GRIK2: variants seen among roughly 807,000 people sequenced by gnomAD.
GRIK2 encodes the protein glutamate ionotropic receptor kainate type subunit 2.
A neutral mutation model predicts 100.3 loss-of-function variants in GRIK2; 32 were observed. The ratio of observed to expected loss-of-function variants is 0.32; its 90% CI spans 0.24 to 0.43. The LOEUF (loss-of-function observed/expected upper bound fraction) is 0.43. Ranked by LOEUF, GRIK2 falls within the 20% of genes least tolerant of loss-of-function variation. The pLI is 1.00. For missense variants in GRIK2, 843 were observed against 1,114.9 expected, an observed-to-expected ratio of 0.76 and a Z score of 3.47; for synonymous variants, 417 against 389.4, an observed-to-expected ratio of 1.07 and a Z score of -0.83.
intron 7 of GRIK2, among the ~76,000 whole-genome samples, chr6:101,704,610 T>C (rs1399002612): frequency 6.6e-6 from 1 of 151,714 alleles, no homozygotes; most frequent in African/African-American, 2.4e-5. Flanking sequence ...TTAAATAGAA[T>C]TGAATCTCGC....
chr6:101,482,423 C>A (rs1383695957), intron 2 of GRIK2, among the ~76,000 whole-genome samples: 1 of 152,044 alleles, frequency 6.6e-6, no homozygotes, highest in Non-Finnish European at 1.5e-5. Context: ...CCACACTGGG[C>A]AGTTTGGCTT....
chr6:101,984,655 A>ACACACACACACC (rs369665252), intron 14 of GRIK2, among the ~76,000 whole-genome samples: 156 of 148,738 alleles, frequency 1.0e-3, no homozygotes, highest in African/African-American at 1.6e-3. Context: ...ACACACACAC[A>ACACACACACACC]CCCTTCAACT....
At chr6:101,719,162 T>G (rs1774288884) in intron 7 of GRIK2, among the ~76,000 whole-genome samples, 1 of 118,142 alleles carries the variant, frequency 8.5e-6, no homozygotes, top group Admixed American at 8.8e-5. Flanking sequence ...TTTTTTTTTT[T>G]TTTTTTTTTT....
chr6:101,671,967 C>T (rs1391522391), intron 4 of GRIK2, among the ~76,000 whole-genome samples: 1 of 152,098 alleles, frequency 6.6e-6, no homozygotes, highest in African/African-American at 2.4e-5. Context: ...AGCTGCTGAT[C>T]TAGATAAAAC....
chr6:101,760,004 G>C (rs1414172446), intron 7 of GRIK2, among the ~76,000 whole-genome samples: 1 of 131,838 alleles, frequency 7.6e-6, no homozygotes, highest in Non-Finnish European at 1.5e-5. Flanking sequence ...CGAGTAGCTG[G>C]GACTACAGGC....
chr6:101,895,822 A>C (rs181478258), intron 12 of GRIK2, among the ~76,000 whole-genome samples: 2 of 151,832 alleles, frequency 1.3e-5, no homozygotes, highest in East Asian at 3.9e-4. Flanking sequence ...ATTTATTATT[A>C]TTCTTCACAC....
intron 10 of GRIK2, among the ~76,000 whole-genome samples, chr6:101,849,677 A>C (rs1784011190): frequency 6.6e-6 from 1 of 152,034 alleles, no homozygotes; most frequent in Non-Finnish European, 1.5e-5. Flanking sequence ...AGAAGGAAAT[A>C]AATTATTTTC....
chr6:101,848,409 A>G (rs1049067150), intron 10 of GRIK2, among the ~76,000 whole-genome samples: 4 of 152,164 alleles, frequency 2.6e-5, no homozygotes, highest in Admixed American at 2.0e-4. Flanking sequence ...AATATTTACT[A>G]TTTGGTCTTT....
At chr6:101,959,037 T>G (rs1792119306) in intron 14 of GRIK2, among the ~76,000 whole-genome samples, 2 of 152,088 alleles carry the variant, frequency 1.3e-5, no homozygotes. Context: ...GATACTGGCT[T>G]CATAGAATGA....
intron 2 of GRIK2, among the ~76,000 whole-genome samples, chr6:101,553,520 G>GA (rs1269440088): frequency 6.6e-6 from 1 of 151,962 alleles, no homozygotes; most frequent in East Asian, 1.9e-4. Flanking sequence ...TTCTTTATAT[G>GA]AAAAAAATAC....
At chr6:101,571,359 A>T (rs1356054309) in intron 2 of GRIK2, among the ~76,000 whole-genome samples, 1 of 152,098 alleles carries the variant, frequency 6.6e-6, no homozygotes, top group East Asian at 1.9e-4. Context: ...TTAGTAACAT[A>T]AAAAAAGATT....
chr6:101,870,139 A>G (rs1262327755), intron 11 of GRIK2, among the ~76,000 whole-genome samples: 1 of 151,900 alleles, frequency 6.6e-6, no homozygotes, highest in Non-Finnish European at 1.5e-5. Context: ...GTAATCTACT[A>G]AACTATCTTT....
intron 15 of GRIK2, among the ~76,000 whole-genome samples, chr6:102,040,879 T>G (rs1046452641): frequency 6.6e-6 from 1 of 151,690 alleles, no homozygotes; most frequent in Non-Finnish European, 1.5e-5. Context: ...AAATTATTCA[T>G]CTTTCTGCAG....
At chr6:101,684,828 C>G (rs1459359042) in intron 6 of GRIK2, among the ~76,000 whole-genome samples, 1 of 151,146 alleles carries the variant, frequency 6.6e-6, no homozygotes, top group Non-Finnish European at 1.5e-5. Flanking sequence ...GAAAACTTAG[C>G]AAGGCCAAAT....
At chr6:101,565,066 G>A (rs1389232782) in intron 2 of GRIK2, among the ~76,000 whole-genome samples, 1 of 152,058 alleles carries the variant, frequency 6.6e-6, no homozygotes, top group Non-Finnish European at 1.5e-5. Flanking sequence ...TTAACATAAT[G>A]TACAGGGGCT....
At chr6:101,685,299 C>T (rs1048417468) in intron 6 of GRIK2, among the ~76,000 whole-genome samples, 1 of 152,136 alleles carries the variant, frequency 6.6e-6, no homozygotes, top group Non-Finnish European at 1.5e-5. Flanking sequence ...AGGCCAATGC[C>T]AGCTGCTTTC....
At chr6:101,750,672 G>C (rs1331226441) in intron 7 of GRIK2, among the ~76,000 whole-genome samples, 1 of 152,128 alleles carries the variant, frequency 6.6e-6, no homozygotes, top group Non-Finnish European at 1.5e-5. Flanking sequence ...TTATTTTTCT[G>C]TAGTTTCTGA....
chr6:101,442,187 C>G (rs965509822), intron 2 of GRIK2, among the ~76,000 whole-genome samples: 1 of 152,056 alleles, frequency 6.6e-6, no homozygotes, highest in East Asian at 1.9e-4. Flanking sequence ...AGCCAAAAAC[C>G]AGGTTCTTGT....
At chr6:101,466,085 T>C (rs1771631480) in intron 2 of GRIK2, among the ~76,000 whole-genome samples, 3 of 152,178 alleles carry the variant, frequency 2.0e-5, no homozygotes. Context: ...TTCACACTTA[T>C]TCAGTTGTTT....
Sources: allele counts gnomAD v4.1 joint callset (sites outside exome capture counted in the v4.1 genomes callset), GRCh38; gene constraint gnomAD v4.1.1; transcripts MANE v1.5; gene names NCBI Gene and HGNC (gene_info 2026-07-23, HGNC 2026-07-21).